SETX: variants seen among roughly 807,000 people sequenced by gnomAD.
The protein encoded by SETX is helicase senataxin.
SETX carries 90 observed loss-of-function variants against 227.2 expected under a neutral mutation model. That is an observed-to-expected ratio of 0.40 (90% confidence interval 0.33 to 0.47). SETX has a LOEUF of 0.47. SETX is among the 20% of genes least tolerant of loss of function. SETX has a pLI of 0.91. For synonymous variants in SETX, 1,210 were observed against 1,113.2 expected, an observed-to-expected ratio of 1.09 and a Z score of -1.73; for missense variants, 3,052 against 3,181.5, an observed-to-expected ratio of 0.96 and a Z score of 0.98.
chr9:132,324,875 AAC>A (rs1456783673), intron 10 of SETX, among the ~76,000 whole-genome samples: 6 of 152,204 alleles, frequency 3.9e-5, no homozygotes, highest in African/African-American at 1.4e-4. Context: ...CTGCCTTGAA[AAC>A]ACACACACAA....
At chr9:132,346,012 C>A (rs1459694327) in intron 4 of SETX, among the ~76,000 whole-genome samples, 1 of 151,720 alleles carries the variant, frequency 6.6e-6, no homozygotes, top group Non-Finnish European at 1.5e-5. Flanking sequence ...CAGCAAGACC[C>A]TGTCTCTAAA....
In SETX at chr9:132,327,968, T is replaced by C. The variant is rs1846945583; in HGVS notation, c.3630A>G (p.Ser1210=). The C allele has an allele frequency of 1.2e-6, 2 of 1,613,968 alleles. No homozygotes were observed. The highest frequency in any genetic ancestry group is 1.7e-6 in the Non-Finnish European group (2 of 1,179,980). The change falls in exon 10 of 26, where the codon TCA becomes TCG. Residue 1210 remains serine (S), a synonymous_variant. Transcript: ENST00000224140. The stretch of plus-strand genomic sequence containing the variant: ...AAACCGTAGTGGCTCTCTGAATACG[T>C]GAATTGGGAGTTGAAGTCCTTCTAT... ...SIDRRTSTPN[S]RIQRATTVSQ... is the part of the protein sequence containing the mutation.
rs1412067724 is a variant in SETX at position 132,276,956 on chromosome 9, T to G, written c.6935+104A>C. ...AGTGAACATGACTGTGCCCTGACAC[T>G]AGGCAGAGAGATGTGTATAGGAAAT... On this transcript the variant is annotated intron_variant, in intron 22 of 25. Transcript: ENST00000224140. The G allele has an allele frequency of 3.1e-6, 3 of 977,562 alleles. No homozygotes were observed. The African/African-American group carries it at 4.8e-5, about 16-fold the overall frequency. The allele number at this position is 977,562 out of a possible 1,614,324, so 60.6% of individuals were successfully genotyped here. A position where few individuals can be genotyped will look rare whatever the true frequency, so the allele number is the denominator to read the frequency against.
chr9:132,336,269 T>G, intron 6 of SETX, 27 bp downstream of exon 6: 1 of 1,559,292 alleles, frequency 6.4e-7, no homozygotes, highest in Non-Finnish European at 8.8e-7. Flanking sequence ...AAAATACCAA[T>G]TATATTAGTG....
intron 15 of SETX, among the ~76,000 whole-genome samples, chr9:132,292,435 A>G (rs1844390308): frequency 6.7e-6 from 1 of 149,234 alleles, no homozygotes; most frequent in South Asian, 2.1e-4. Flanking sequence ...AAAAAAAAAA[A>G]AAGAAAACAT....
chr9:132,313,826 G>A (rs1254102541), intron 10 of SETX, among the ~76,000 whole-genome samples: 3 of 147,458 alleles, frequency 2.0e-5, no homozygotes, highest in Non-Finnish European at 4.5e-5. Flanking sequence ...GTCAGCTGCT[G>A]TAAAAAAAAA....
rs549642648 is a variant in SETX, at chr9:132,279,950, T to C, written c.6654+1517A>G. 3.3e-5 allele frequency among the ~76,000 whole-genome samples: 5 copies of C among 152,298 alleles called. No individual in the cohort carries two copies. The East Asian group carries it at 9.6e-4, about 29-fold the overall frequency. ...GTACATATACACATAAACATATACA[T>C]GTATACAAACCATATACCACTTTTT... On this transcript the variant is annotated intron_variant, in intron 20 of 25. Coordinates refer to ENST00000224140, the MANE Select transcript of SETX (RefSeq NM_015046.7).
intron 10 of SETX, among the ~76,000 whole-genome samples, chr9:132,321,537 G>A (rs1846330546): frequency 6.6e-6 from 1 of 151,774 alleles, no homozygotes; most frequent in African/African-American, 2.4e-5. Context: ...GGCACCTATA[G>A]TCCCAGCTAC....
chr9:132,308,676 C>T (rs531970932), intron 11 of SETX, among the ~76,000 whole-genome samples: 2 of 152,296 alleles, frequency 1.3e-5, no homozygotes, highest in South Asian at 4.1e-4. Flanking sequence ...AACCTCTCCA[C>T]AGAAAACTAT....
intron 7 of SETX, among the ~76,000 whole-genome samples, chr9:132,332,419 G>C (rs551097036): frequency 1.3e-5 from 2 of 152,208 alleles, no homozygotes; most frequent in African/African-American, 4.8e-5. Flanking sequence ...TTGAATTCAC[G>C]CAGTCACTGC....
intron 14 of SETX, among the ~76,000 whole-genome samples, chr9:132,296,493 G>T (rs1844676496): frequency 6.6e-6 from 1 of 151,952 alleles, no homozygotes. Flanking sequence ...GACCTGGGAG[G>T]CAGAGGTTGC....
Position 132,305,530 on chromosome 9 carries a change from T to G in SETX, c.5375-4727A>C, listed in dbSNP as rs186540404. Among the ~76,000 whole-genome samples the G allele has an allele frequency of 4.6e-5, 7 of 152,168 alleles. No individual in the cohort carries two copies. The East Asian group carries it at 1.4e-3, about 29-fold the overall frequency. ...CTTAACAAAGCGATGCAAGTTAGTA[T>G]CACCAGCAATGAGATTTATCAACGT... is the stretch of plus-strand genomic sequence containing the variant. On this transcript the variant is annotated intron_variant, in intron 11 of 25. Transcript: ENST00000224140.
At position 132,295,961 on chromosome 9, in the gene SETX, C is replaced by T. The variant is rs200154603; in HGVS notation, c.6017G>A (p.Cys2006Tyr). 1.2e-6 allele frequency: 2 copies of T among 1,614,176 alleles called. No homozygotes were observed. The highest frequency in any genetic ancestry group is 1.7e-6 in the Non-Finnish European group (2 of 1,180,038). ...ATCAACAGCTGCATTGGAAGGTGCACACACGAGGACACGGTTTTGTTTGAT... is the reference window on the plus strand; with the variant it reads ...ATCAACAGCTGCATTGGAAGGTGCATACACGAGGACACGGTTTTGTTTGAT... Reference protein sequence around the residue: ...AKIKQNRVLVCAPSNAAVDEL... With the variant: ...AKIKQNRVLVYAPSNAAVDEL... The change falls in exon 15 of 26, where the codon TGT becomes TAT. Residue 2006 changes from cysteine to tyrosine, a missense_variant. By Grantham distance (194) the Cys-to-Tyr change is radical. Around this residue, in one of 10 missense-constraint regions of SETX, gnomAD observed 412 missense variants for 589.0 expected, o/e 0.70. Coordinates refer to ENST00000224140, the MANE Select transcript of SETX (RefSeq NM_015046.7).
chr9:132,292,325 A>T (rs913717672), intron 15 of SETX, among the ~76,000 whole-genome samples: 14 of 146,778 alleles, frequency 9.5e-5, no homozygotes, highest in Non-Finnish European at 1.8e-4. Context: ...GCTACTTGGG[A>T]GGCTGAGGCA....
chr9:132,304,718 C>T (rs1020876819), intron 11 of SETX, among the ~76,000 whole-genome samples: 6 of 151,980 alleles, frequency 3.9e-5, no homozygotes, highest in African/African-American at 7.2e-5. Context: ...CTGAATTAGG[C>T]TGGGCGCAGT....
intron 5 of SETX, among the ~76,000 whole-genome samples, chr9:132,341,070 G>T (rs1344916797): frequency 6.6e-6 from 1 of 151,986 alleles, no homozygotes; most frequent in African/African-American, 2.4e-5. Flanking sequence ...TTGTCGGCTG[G>T]ACGTGGTGGC....
Position 132,287,117 on chromosome 9 carries a change from A to T in SETX, c.6325-623T>A, listed in dbSNP as rs972514704. Among the ~76,000 whole-genome samples the T allele has an allele frequency of 3.3e-5, 5 of 152,296 alleles. No individual in the cohort carries two copies. In the East Asian group the frequency reaches 9.6e-4, roughly 29 times the overall value. On this transcript the variant is annotated intron_variant, in intron 17 of 25. Transcript: ENST00000224140. ...TCCCTTTCTGTCTAACCTAATTTGA[A>T]CTGGGCTCAACATGCAACTGAAAGG...
At chr9:132,268,019 G>A (rs1011862019) in intron 25 of SETX, among the ~76,000 whole-genome samples, 3 of 152,198 alleles carry the variant, frequency 2.0e-5, no homozygotes, top group Non-Finnish European at 4.4e-5. Flanking sequence ...GTTTAAACAT[G>A]ATCAAAATCT....
chr9:132,282,053 CA>C (rs992888655), intron 19 of SETX, among the ~76,000 whole-genome samples: 3 of 146,252 alleles, frequency 2.1e-5, no homozygotes, highest in Admixed American at 6.8e-5. Flanking sequence ...GACTCCGTCT[CA>C]AAAAAAACAA....
Sources: gnomAD v4.1 joint callset for allele counts (sites outside exome capture counted in the v4.1 genomes callset) on GRCh38, gnomAD v4.1.1 for gene constraint, gnomAD v4.1.1 regional missense constraint, MANE v1.5 for transcripts, NCBI Gene and HGNC (gene_info 2026-07-23, HGNC 2026-07-21) for gene names.